The following FOXO3 variants were observed in gnomAD, a reference collection of about 807,000 sequenced individuals.
FOXO3 encodes the protein forkhead box protein O3.
In FOXO3, 4 loss-of-function variants were observed where a neutral mutation model predicts 41.9. The ratio of observed to expected loss-of-function variants is 0.10; its 90% CI spans 0.05 to 0.22. The LOEUF is 0.22. FOXO3 is among the 10% of genes least tolerant of loss of function. The probability of loss-of-function intolerance (pLI) is 1.00; values close to 1 mark genes in which losing one functional copy is unlikely to be tolerated. For missense variants in FOXO3, 534 were observed against 906.8 expected (o/e 0.59, Z 5.28); for synonymous variants, 318 against 389.3 (o/e 0.82, Z 2.16).
At chr6:108,665,208 C>G (rs1222504536) in intron 2 of FOXO3, among the ~76,000 whole-genome samples, 3 of 152,138 alleles carry the variant, frequency 2.0e-5, no homozygotes, top group African/African-American at 7.2e-5. Flanking sequence ...ACGCAGGTTG[C>G]CCTACTTGAT....
upstream of FOXO3, among the ~76,000 whole-genome samples, chr6:108,560,170 G>A (rs1179569420): frequency 2.0e-5 from 3 of 152,146 alleles, no homozygotes; most frequent in African/African-American, 2.4e-5. Flanking sequence ...CGGGAAGGGG[G>A]AAACTGTCAA....
chr6:108,636,459 CT>C (rs1778123858), intron 1 of FOXO3, among the ~76,000 whole-genome samples: 1 of 152,042 alleles, frequency 6.6e-6, no homozygotes, highest in Non-Finnish European at 1.5e-5. Context: ...AGAACAAACC[CT>C]GTGTGTTGAG....
intron 1 of FOXO3, among the ~76,000 whole-genome samples, chr6:108,564,783 G>A (rs719807): frequency 0.04 from 2,432 of 60,238 alleles, 66 homozygotes; most frequent in African/African-American, 0.098. Flanking sequence ...TGATGGTTTT[G>A]TGTTTTGTTT....
chr6:108,663,315 C>A, intron 1 of FOXO3, 140 bp from the exon 2 acceptor site: 1 of 1,340,190 alleles, frequency 7.5e-7, no homozygotes, highest in Non-Finnish European at 9.9e-7. Flanking sequence ...CCACTGCATT[C>A]CAGCATGGGC....
intron 1 of FOXO3, among the ~76,000 whole-genome samples, chr6:108,575,419 A>G (rs1776237223): frequency 6.6e-6 from 1 of 151,790 alleles, no homozygotes; most frequent in African/African-American, 2.4e-5. Flanking sequence ...CTCGATGTAA[A>G]TTATTTTCTT....
At chr6:108,575,825 CTAATA>C (rs1385703081) in intron 1 of FOXO3, among the ~76,000 whole-genome samples, 1 of 152,134 alleles carries the variant, frequency 6.6e-6, no homozygotes, top group African/African-American at 2.4e-5. Flanking sequence ...GGCCCACAGA[CTAATA>C]ACATTTTGAG....
At chr6:108,612,276 G>A (rs1046831581) in intron 1 of FOXO3, among the ~76,000 whole-genome samples, 3 of 152,028 alleles carry the variant, frequency 2.0e-5, no homozygotes, top group African/African-American at 7.2e-5. Context: ...ATAATTAATT[G>A]GGTTTTGTGT....
chr6:108,599,982 A>G (rs545397431), intron 1 of FOXO3, among the ~76,000 whole-genome samples: 1 of 152,294 alleles, frequency 6.6e-6, no homozygotes, highest in East Asian at 1.9e-4. Context: ...ATGTGAGAAG[A>G]TCTGAGGGGT....
chr6:108,611,318 C>T (rs989175462), intron 1 of FOXO3, among the ~76,000 whole-genome samples: 6 of 152,122 alleles, frequency 3.9e-5, no homozygotes, highest in Non-Finnish European at 8.8e-5. Context: ...AATAAAACTG[C>T]TATTAATATC....
chr6:108,678,299 T>A (rs1288869989), intron 2 of FOXO3, among the ~76,000 whole-genome samples: 1 of 152,204 alleles, frequency 6.6e-6, no homozygotes, highest in African/African-American at 2.4e-5. Flanking sequence ...GCTTTTTTCA[T>A]TACTTATTTA....
intron 1 of FOXO3, among the ~76,000 whole-genome samples, chr6:108,566,920 C>T (rs1013302989): frequency 2.0e-5 from 3 of 152,164 alleles, no homozygotes; most frequent in Non-Finnish European, 4.4e-5. Context: ...ACCCTTTTTA[C>T]CCATTTGCAT....
At position 108,681,017 on chromosome 6, in the gene FOXO3, G is replaced by T. The variant is rs1421229711; in HGVS notation, c.*1225G>T. The T allele has an allele frequency of 6.6e-6, 1 of 152,640 alleles. No individual in the cohort carries two copies. The highest frequency in any genetic ancestry group is 1.5e-5 in the Non-Finnish European group (1 of 68,046). 9.5% of individuals were successfully genotyped at this position (152,640 alleles called of 1,614,324 possible). A position where few individuals can be genotyped will look rare whatever the true frequency, so the allele number is the denominator to read the frequency against. On this transcript the variant is annotated 3_prime_UTR_variant, in exon 3 of 3. Coordinates refer to ENST00000406360, the MANE Select transcript of FOXO3 (RefSeq NM_001455.4). The stretch of plus-strand genomic sequence containing the variant: ...ATAAGCTTAGGTTGTAATTGTACAA[G>T]TGACTCAATGGAAGTACAAAATAGG...
intron 2 of FOXO3, among the ~76,000 whole-genome samples, chr6:108,667,498 A>G (rs1262255616): frequency 6.6e-6 from 1 of 152,234 alleles, no homozygotes; most frequent in Non-Finnish European, 1.5e-5. Flanking sequence ...TCAGAAGACA[A>G]TGTAGTATCA....
At chr6:108,647,127 A>G (rs1197658986) in intron 1 of FOXO3, among the ~76,000 whole-genome samples, 2 of 152,246 alleles carry the variant, frequency 1.3e-5, no homozygotes, top group South Asian at 2.1e-4. Flanking sequence ...TTTAAACCTC[A>G]TATATGAATT....
In FOXO3 at chr6:108,593,159, G is replaced by A. The variant is rs1419098352; in HGVS notation, c.621+31330G>A. Among the ~76,000 whole-genome samples, 3 of 152,294 alleles carry A rather than the reference G, an allele frequency of 2.0e-5. No homozygotes were observed. The East Asian group carries it at 5.8e-4, about 29-fold the overall frequency. On this transcript the variant is annotated intron_variant, in intron 1 of 2. Coordinates refer to ENST00000406360, the MANE Select transcript of FOXO3 (RefSeq NM_001455.4). ...GACTTGGTACAAGTGTTTTTTCTTA[G>A]AAGGGAGGATTACACGTTTATAGTA...
Position 108,561,109 on chromosome 6 carries a change from CCGGAGCCTTCG to C in FOXO3, c.-96_-86del, listed in dbSNP as rs1775769402. ...AGGCGGCGGCGGCGGCGCCCGGGAG[CCGGAGCCTTCG>C]CGGCGTCCACGTCCCTCCCCCGCTG... On this transcript the variant is annotated 5_prime_UTR_variant, in exon 1 of 3. Transcript: ENST00000406360. 2 of 1,432,660 alleles carry C rather than the reference CCGGAGCCTTCG, an allele frequency of 1.4e-6. No homozygotes were observed. The highest frequency in any genetic ancestry group is 1.8e-6 in the Non-Finnish European group (2 of 1,102,506). The allele number at this position is 1,432,660 out of a possible 1,614,324, so 88.7% of individuals were successfully genotyped here.
At chr6:108,562,750 G>C (rs776936621) in intron 1 of FOXO3, among the ~76,000 whole-genome samples, 1 of 152,198 alleles carries the variant, frequency 6.6e-6, no homozygotes, top group South Asian at 2.1e-4. Context: ...CTTGGGGCAC[G>C]GGACACGTGG....
At chr6:108,561,972 TTA>T in intron 1 of FOXO3, 143 bp downstream of exon 1, 1 of 1,296,740 alleles carries the variant, frequency 7.7e-7, no homozygotes. Flanking sequence ...GCTTTGGGGG[TTA>T]TCTTTGATCC....
chr6:108,601,464 C>T (rs563007733), intron 1 of FOXO3, among the ~76,000 whole-genome samples: 5 of 152,072 alleles, frequency 3.3e-5, no homozygotes, highest in Admixed American at 1.3e-4. Context: ...CCACCTTGCC[C>T]GGCTAATTTT....
Sources: gnomAD v4.1 joint callset for allele counts (sites outside exome capture counted in the v4.1 genomes callset) on GRCh38, gnomAD v4.1.1 for gene constraint, MANE v1.5 for transcripts, NCBI Gene and HGNC (gene_info 2026-07-23, HGNC 2026-07-21) for gene names.